STAT5B: variants seen among roughly 807,000 people sequenced by gnomAD.
STAT5B encodes transcription factor STAT5B.
A neutral mutation model predicts 107.8 loss-of-function variants in STAT5B; 21 were observed. The ratio of observed to expected loss-of-function variants is 0.19; its 90% CI spans 0.14 to 0.28. The LOEUF (loss-of-function observed/expected upper bound fraction) is 0.28. STAT5B is among the 10% of genes least tolerant of loss of function. The pLI is 1.00. For missense variants in STAT5B, 565 were observed against 1,008.2 expected (o/e 0.56, Z 5.95); for synonymous variants, 325 against 401.7 (o/e 0.81, Z 2.28).
chr17:42,209,322 T>G (rs2080110791), intron 15 of STAT5B, among the ~76,000 whole-genome samples: 1 of 152,174 alleles, frequency 6.6e-6, no homozygotes, highest in African/African-American at 2.4e-5. Context: ...CCCAAAGTGC[T>G]GGGATTACAG....
chr17:42,219,099 A>C (rs1389545549), intron 7 of STAT5B, among the ~76,000 whole-genome samples: 1 of 152,106 alleles, frequency 6.6e-6, no homozygotes, highest in Admixed American at 6.5e-5. Flanking sequence ...CACACACCCG[A>C]ACCCTGTCCC....
At chr17:42,215,874 G>A (rs1412824326) in intron 12 of STAT5B, 140 bp downstream of exon 12, 10 of 919,006 alleles carry the variant, frequency 1.1e-5, no homozygotes, top group Admixed American at 8.1e-5. Context: ...CAACCGCCTC[G>A]GCCTCCCAAA....
At chr17:42,224,953 G>T in intron 3 of STAT5B, 85 bp from the exon 4 acceptor site, 2 of 1,373,622 alleles carry the variant, frequency 1.5e-6, no homozygotes, top group East Asian at 2.4e-5. Context: ...AGCCTCCTGA[G>T]GGACCTCCTG....
At position 42,259,902 on chromosome 17, in the gene STAT5B, T is replaced by G. The variant is rs142821447; in HGVS notation, c.-11+16346A>C. Among the ~76,000 whole-genome samples the G allele has an allele frequency of 2.0e-4, 31 of 152,296 alleles. No individual in the cohort carries two copies. The South Asian group carries it at 3.7e-3, about 18-fold the overall frequency. ...AGTTCCAGGATACATGTGCAGGATGTGCAGATTTGTTACACAGGTAAACAT... is the reference window on the plus strand; with the variant it reads ...AGTTCCAGGATACATGTGCAGGATGGGCAGATTTGTTACACAGGTAAACAT... On this transcript the variant is annotated intron_variant, in intron 1 of 18. Coordinates refer to ENST00000293328, the MANE Select transcript of STAT5B (RefSeq NM_012448.4).
rs748094482 is a variant in STAT5B, at chr17:42,210,394, G to A, written c.1775+9C>T. ...CTCTGTCGGCGCCTTAAGAAATAAT[G>A]ATTCTCACCCATCATTCCAATGAGG... is the stretch of plus-strand genomic sequence containing the variant. On this transcript the variant is annotated intron_variant, in intron 14 of 18. Transcript: ENST00000293328. 6.2e-7 allele frequency: 1 copy of A among 1,614,100 alleles called. No homozygotes were observed. The highest frequency in any genetic ancestry group is 8.5e-7 in the Non-Finnish European group (1 of 1,180,004).
rs2080421708 is a variant in STAT5B at position 42,243,329 on chromosome 17, G to A, written c.-10-11192C>T. Among the ~76,000 whole-genome samples the A allele has an allele frequency of 1.3e-5, 2 of 152,040 alleles. 1 individual carries two copies. The highest frequency in any genetic ancestry group is 4.1e-4 in the South Asian group (2 of 4,826). ...TGAGATTGCGCCACTTGCACTCCAG[G>A]CTGGGCAACTGAGTGAGACTCTGTC... On this transcript the variant is annotated intron_variant, in intron 1 of 18. Transcript: ENST00000293328.
intron 5 of STAT5B, among the ~76,000 whole-genome samples, chr17:42,220,298 G>A (rs2080213869): frequency 1.3e-5 from 2 of 152,230 alleles, no homozygotes; most frequent in Admixed American, 6.5e-5. Flanking sequence ...CCTCAGTGGG[G>A]TGCATTAAGA....
In STAT5B at chr17:42,224,820, T is replaced by C. The variant is rs1190893544; in HGVS notation, c.334A>G (p.Ile112Val). The change falls in exon 4 of 19, where the codon ATA becomes GTA. Residue 112 changes from isoleucine (I) to valine (V), a missense_variant. Around this residue, in one of 11 missense-constraint regions of STAT5B, gnomAD observed 83 missense variants for 145.1 expected, o/e 0.57. Coordinates refer to ENST00000293328, the MANE Select transcript of STAT5B (RefSeq NM_012448.4). ...PMELVRCIRH[I>V]LYNEQRLVRE... is the part of the protein sequence containing the mutation. ...ACCAACCTCTGTTCATTGTACAATA[T>C]ATGGCGGATGCAGCGGACCAGCTCC... is the stretch of plus-strand genomic sequence containing the variant. 1.9e-6 allele frequency: 3 copies of C among 1,613,668 alleles called. No homozygotes were observed. The highest frequency in any genetic ancestry group is 2.7e-5 in the African/African-American group (2 of 74,866).
intron 1 of STAT5B, among the ~76,000 whole-genome samples, chr17:42,238,007 A>T (rs1360596279): frequency 1.3e-5 from 2 of 152,130 alleles, no homozygotes; most frequent in Non-Finnish European, 2.9e-5. Flanking sequence ...ATTTTAACTC[A>T]ATTTAATAAA....
intron 16 of STAT5B, among the ~76,000 whole-genome samples, chr17:42,205,002 A>T (rs1389702763): frequency 6.6e-6 from 1 of 152,198 alleles, no homozygotes; most frequent in African/African-American, 2.4e-5. Context: ...GGAAGATTAC[A>T]TTTACTGAGC....
intron 1 of STAT5B, among the ~76,000 whole-genome samples, chr17:42,250,962 G>A (rs2144359152): frequency 6.7e-6 from 1 of 149,756 alleles, no homozygotes; most frequent in East Asian, 2.0e-4. Flanking sequence ...AGTCAAATGA[G>A]TTTCTCCTGA....
intron 1 of STAT5B, among the ~76,000 whole-genome samples, chr17:42,261,561 TTTTA>T (rs928250019): frequency 6.6e-5 from 10 of 152,156 alleles, no homozygotes; most frequent in African/African-American, 2.2e-4. Context: ...TATTTTTTAT[TTTTA>T]TTTATTTATT....
At chr17:42,213,582 C>A (rs55743352) in intron 12 of STAT5B, among the ~76,000 whole-genome samples, 51,695 of 151,366 alleles carry the variant, frequency 0.34, 11,169 homozygotes, top group East Asian at 0.65. Flanking sequence ...GGCTGGAGTG[C>A]AGTGGCACCA....
intron 1 of STAT5B, among the ~76,000 whole-genome samples, chr17:42,263,820 C>A (rs1046241284): frequency 6.6e-6 from 1 of 151,504 alleles, no homozygotes; most frequent in Non-Finnish European, 1.5e-5. Flanking sequence ...AGTCACTGTG[C>A]CCAGCCATAA....
intron 13 of STAT5B, among the ~76,000 whole-genome samples, chr17:42,210,982 CT>C (rs2080123833): frequency 6.6e-6 from 1 of 152,186 alleles, no homozygotes; most frequent in South Asian, 2.1e-4. Context: ...AGGCAGATCA[CT>C]TGAGGTCAGG....
chr17:42,287,728 G>C, the STAT5B span: 3 of 152,300 alleles, frequency 2.0e-5, no homozygotes, highest in Non-Finnish European at 4.4e-5. Context: ...CGTGCCTACT[G>C]TGTGGCCCTG....
intron 1 of STAT5B, among the ~76,000 whole-genome samples, chr17:42,241,859 A>C (rs2080406171): frequency 6.6e-6 from 1 of 152,212 alleles, no homozygotes; most frequent in Admixed American, 6.5e-5. Context: ...ATCTAGAAGC[A>C]GGTTAATACC....
chr17:42,281,669 G>A (rs2080796189), upstream of STAT5B, among the ~76,000 whole-genome samples: 1 of 152,190 alleles, frequency 6.6e-6, no homozygotes, highest in East Asian at 1.9e-4. Flanking sequence ...CTCGCCACCT[G>A]GAGAGTCTCA....
chr17:42,238,171 T>C (rs1755198182), intron 1 of STAT5B, among the ~76,000 whole-genome samples: 1 of 151,936 alleles, frequency 6.6e-6, no homozygotes, highest in South Asian at 2.1e-4. Context: ...TCTTACTCCA[T>C]CACTCAGGCT....
Sources: gnomAD v4.1 joint callset for allele counts (sites outside exome capture counted in the v4.1 genomes callset) on GRCh38, gnomAD v4.1.1 for gene constraint, gnomAD v4.1.1 regional missense constraint, MANE v1.5 for transcripts, NCBI Gene and HGNC (gene_info 2026-07-23, HGNC 2026-07-21) for gene names.